The following ELP4 variants were observed in gnomAD, a reference collection of about 807,000 sequenced individuals.
ELP4 encodes the protein elongator acetyltransferase complex subunit 4.
ELP4 carries 51 observed loss-of-function variants against 48.9 expected under a neutral mutation model. That is an observed-to-expected ratio of 1.04 (90% CI 0.83 to 1.32). ELP4 has a LOEUF of 1.32. Among genes scored for constraint, ELP4 ranks in the 40% most tolerant of loss-of-function variants. ELP4 has a pLI of 0.00. For synonymous variants in ELP4, 210 were observed against 189.2 expected (o/e 1.11, Z -0.90); for missense variants, 519 against 514.6 (o/e 1.01, Z -0.08).
At chr11:31,667,551 A>G (rs1442712700) in intron 9 of ELP4, among the ~76,000 whole-genome samples, 1 of 152,136 alleles carries the variant, frequency 6.6e-6, no homozygotes, top group Non-Finnish European at 1.5e-5. Flanking sequence ...TTTCTACGTT[A>G]TTTTTATTTT....
At chr11:31,589,378 A>T (rs1957532699) in intron 3 of ELP4, among the ~76,000 whole-genome samples, 1 of 152,236 alleles carries the variant, frequency 6.6e-6, no homozygotes, top group Non-Finnish European at 1.5e-5. Flanking sequence ...ATCCAGTACC[A>T]AAATGTTTGG....
At position 31,565,529 on chromosome 11, in the gene ELP4, C is replaced by T. The variant is rs565430814; in HGVS notation, c.381+25746C>T. ...TCGGTCTAACATTTAAGTCTTTAAT[C>T]CATCTTGAATTAATTTTTGTATAAG... On this transcript the variant is annotated intron_variant, in intron 3 of 9. Transcript: ENST00000640961. 2.6e-4 allele frequency among the ~76,000 whole-genome samples: 38 copies of T among 147,578 alleles called. 2 individuals are homozygous for T. The South Asian group carries it at 6.7e-3, about 26-fold the overall frequency.
At chr11:31,722,955 C>T (rs1387934534) in intron 9 of ELP4, among the ~76,000 whole-genome samples, 4 of 152,178 alleles carry the variant, frequency 2.6e-5, no homozygotes, top group African/African-American at 9.7e-5. Flanking sequence ...GCATCACCCT[C>T]CCACAGGCCC....
At chr11:31,530,736 T>TTA (rs1463186827) in intron 2 of ELP4, among the ~76,000 whole-genome samples, 5 of 152,200 alleles carry the variant, frequency 3.3e-5, no homozygotes, top group Admixed American at 3.3e-4. Context: ...GACAGCTATC[T>TTA]TATGTCTCTC....
intron 3 of ELP4, among the ~76,000 whole-genome samples, chr11:31,560,367 T>C (rs1026155678): frequency 6.6e-6 from 1 of 152,206 alleles, no homozygotes; most frequent in African/African-American, 2.4e-5. Flanking sequence ...ATTTCAGTTA[T>C]ATCAGGTTTT....
chr11:31,734,451 T>C lies in ELP4; in HGVS notation c.1144-48942T>C, dbSNP rs115490995. On this transcript the variant is annotated intron_variant, in intron 9 of 9. Coordinates refer to ENST00000640961, the MANE Select transcript of ELP4 (RefSeq NM_019040.5). ...TCTGTTTAAGATGACATCTTATATG[T>C]AGAAAACCCTAAAGATTCCATTTAA... Among the ~76,000 whole-genome samples the C allele has an allele frequency of 5.7e-3, 862 of 152,288 alleles. 10 individuals are homozygous for C. The highest frequency in any genetic ancestry group is 0.02 in the African/African-American group (831 of 41,578).
chr11:31,515,033 GTA>G (rs10676705), intron 1 of ELP4, among the ~76,000 whole-genome samples: 6,896 of 133,796 alleles, frequency 0.052, 316 homozygotes, highest in African/African-American at 0.13. Context: ...GTGTGTGTGT[GTA>G]TATATATATA....
In ELP4 at chr11:31,636,131, A is replaced by G. The variant is rs971435164; in HGVS notation, c.927+3726A>G. 2.6e-5 allele frequency among the ~76,000 whole-genome samples: 4 copies of G among 152,022 alleles called. No individual in the cohort carries two copies. In the Admixed American group the frequency reaches 2.6e-4, roughly 10 times the overall value. On this transcript the variant is annotated intron_variant, in intron 7 of 9. Transcript: ENST00000640961. ...AATGCAGGCACTGTTCTAGGCACCC[A>G]TAGGGATACAGTAGCAAACAAGACA... is the stretch of plus-strand genomic sequence containing the variant.
chr11:31,535,007 C>T (rs1267509134), intron 2 of ELP4, among the ~76,000 whole-genome samples: 1 of 152,172 alleles, frequency 6.6e-6, no homozygotes, highest in Non-Finnish European at 1.5e-5. Context: ...GCTAGCTTTT[C>T]CATCTGTCAG....
intron 9 of ELP4, among the ~76,000 whole-genome samples, chr11:31,749,431 A>G (rs1947669495): frequency 1.3e-5 from 2 of 152,242 alleles, no homozygotes; most frequent in South Asian, 2.1e-4. Flanking sequence ...ATATGGCCCT[A>G]TACAGTCACA....
chr11:31,766,940 A>T (rs1224632120), intron 9 of ELP4, among the ~76,000 whole-genome samples: 1 of 152,116 alleles, frequency 6.6e-6, no homozygotes, highest in South Asian at 2.1e-4. Flanking sequence ...GGAAAAACTC[A>T]TTTTTTCATC....
intron 7 of ELP4, among the ~76,000 whole-genome samples, chr11:31,635,370 C>T (rs966154202): frequency 1.3e-5 from 2 of 151,892 alleles, no homozygotes; most frequent in African/African-American, 4.8e-5. Context: ...CATAATAACC[C>T]TGTATGGTTG....
In ELP4 at chr11:31,710,280, G is replaced by C. The variant is rs546690689; in HGVS notation, c.1143+60059G>C. Among the ~76,000 whole-genome samples, 10 of 152,274 alleles carry C rather than the reference G, an allele frequency of 6.6e-5. No homozygotes were observed. In the East Asian group the frequency reaches 1.9e-3, roughly 29 times the overall value. ...ACAAGATTTGTATGGACAGAAAGAG[G>C]CAACAATACATTTTTGAGTTGAGAT... On this transcript the variant is annotated intron_variant, in intron 9 of 9. Coordinates refer to ENST00000640961, the MANE Select transcript of ELP4 (RefSeq NM_019040.5).
chr11:31,629,328 C>G (rs1396626199), intron 6 of ELP4, among the ~76,000 whole-genome samples: 11 of 151,468 alleles, frequency 7.3e-5, no homozygotes, highest in Admixed American at 7.2e-4. Flanking sequence ...ACAGTATGCC[C>G]CATTATTATA....
intron 5 of ELP4, among the ~76,000 whole-genome samples, chr11:31,623,532 A>G (rs1269282318): frequency 2.0e-5 from 3 of 149,922 alleles, no homozygotes; most frequent in African/African-American, 7.3e-5. Flanking sequence ...GATAATACCT[A>G]AATGTATTGA....
chr11:31,535,701 A>G (rs369465448), intron 2 of ELP4, among the ~76,000 whole-genome samples: 10 of 152,264 alleles, frequency 6.6e-5, no homozygotes, highest in African/African-American at 2.4e-4. Flanking sequence ...AGCCACCACC[A>G]CAATCAAGAT....
chr11:31,674,450 T>C (rs1220902952), intron 9 of ELP4, among the ~76,000 whole-genome samples: 6 of 152,214 alleles, frequency 3.9e-5, no homozygotes, highest in Admixed American at 3.9e-4. Flanking sequence ...CATCACCATG[T>C]CTTCAGTTGA....
intron 3 of ELP4, among the ~76,000 whole-genome samples, chr11:31,555,007 C>T (rs1356881390): frequency 6.6e-6 from 1 of 152,060 alleles, no homozygotes; most frequent in Non-Finnish European, 1.5e-5. Context: ...TCATTATTTG[C>T]TTTTAAATAA....
intron 9 of ELP4, among the ~76,000 whole-genome samples, chr11:31,754,979 G>A (rs1476919786): frequency 6.6e-6 from 1 of 152,140 alleles, no homozygotes; most frequent in East Asian, 1.9e-4. Context: ...AGAAACCAGG[G>A]CTTCAGGAAG....
Sources: gnomAD v4.1 joint callset for allele counts (sites outside exome capture counted in the v4.1 genomes callset) on GRCh38, gnomAD v4.1.1 for gene constraint, MANE v1.5 for transcripts, NCBI Gene and HGNC (gene_info 2026-07-23, HGNC 2026-07-21) for gene names.